The following HECW2 variants were observed in gnomAD, a reference collection of about 807,000 sequenced individuals.
The protein encoded by HECW2 is E3 ubiquitin-protein ligase HECW2.
HECW2 carries 61 observed loss-of-function variants against 175.2 expected under a neutral mutation model. That is an observed-to-expected ratio of 0.35 (90% CI 0.28 to 0.43). HECW2 has a LOEUF of 0.43. Ranked by LOEUF, HECW2 falls within the 20% of genes least tolerant of loss-of-function variation. The pLI is 1.00. For synonymous variants in HECW2, 671 were observed against 731.0 expected, an observed-to-expected ratio of 0.92 and a Z score of 1.32; for missense variants, 1,524 against 2,000.5, an observed-to-expected ratio of 0.76 and a Z score of 4.54.
chr2:196,591,154 A>G (rs1691175712), intron 1 of HECW2, among the ~76,000 whole-genome samples: 1 of 152,234 alleles, frequency 6.6e-6, no homozygotes, highest in Non-Finnish European at 1.5e-5. Flanking sequence ...CCATTCATAA[A>G]GATTCATTGC....
At chr2:196,225,741 C>T (rs956511595) in intron 23 of HECW2, 31 bp downstream of exon 23, 1 of 1,304,632 alleles carries the variant, frequency 7.7e-7, no homozygotes. Flanking sequence ...ATTTTACATG[C>T]TAATTATGCA....
intron 11 of HECW2, among the ~76,000 whole-genome samples, chr2:196,307,508 A>G (rs747545647): frequency 2.6e-5 from 4 of 151,702 alleles, no homozygotes; most frequent in Non-Finnish European, 5.9e-5. Flanking sequence ...ATATTGTTAA[A>G]GGAAAAAAAA....
At chr2:196,242,982 C>T (rs934608798) in intron 19 of HECW2, among the ~76,000 whole-genome samples, 2 of 151,178 alleles carry the variant, frequency 1.3e-5, no homozygotes, top group Admixed American at 6.6e-5. Flanking sequence ...TGTGAGCCAC[C>T]GCACCTGGCC....
At chr2:196,498,866 C>G (rs1006146973) in intron 1 of HECW2, among the ~76,000 whole-genome samples, 3 of 152,194 alleles carry the variant, frequency 2.0e-5, no homozygotes, top group Admixed American at 6.5e-5. Flanking sequence ...AAATCTAAAA[C>G]TAGTGTTTAA....
At chr2:196,539,341 CT>C (rs1689129252) in intron 1 of HECW2, among the ~76,000 whole-genome samples, 1 of 152,178 alleles carries the variant, frequency 6.6e-6, no homozygotes, top group Middle Eastern at 3.2e-3. Context: ...TAAACAAATA[CT>C]TTTACGTAGG....
chr2:196,244,241 T>C (rs1051260652), intron 19 of HECW2, among the ~76,000 whole-genome samples: 1 of 152,116 alleles, frequency 6.6e-6, no homozygotes, highest in African/African-American at 2.4e-5. Context: ...AATTAGAGAA[T>C]AATTAAGTCC....
At chr2:196,363,556 A>G (rs547030807) in intron 2 of HECW2, among the ~76,000 whole-genome samples, 4 of 152,326 alleles carry the variant, frequency 2.6e-5, no homozygotes, top group African/African-American at 9.6e-5. Flanking sequence ...CTAGGCCAGG[A>G]ACCATGGCTC....
Position 196,433,545 on chromosome 2 carries a change from G to A in HECW2, c.-35-87C>T, listed in dbSNP as rs1575537070. On this transcript the variant is annotated intron_variant, in intron 1 of 28. Coordinates refer to ENST00000644978, the MANE Select transcript of HECW2 (RefSeq NM_001348768.2). Reference sequence around the variant, plus strand: ...TTCCAGACATAAAGCCTTAAAGGGTGTTTAATAAGCCTGATCATGCAATAA... The same window carrying A: ...TTCCAGACATAAAGCCTTAAAGGGTATTTAATAAGCCTGATCATGCAATAA... 3.2e-6 allele frequency: 3 copies of A among 924,786 alleles called. No homozygotes were observed. The East Asian group carries it at 7.9e-5, about 24-fold the overall frequency. 57.3% of individuals were successfully genotyped at this position (924,786 alleles called of 1,614,324 possible). A position where few individuals can be genotyped will look rare whatever the true frequency, so the allele number is the denominator to read the frequency against.
intron 2 of HECW2, among the ~76,000 whole-genome samples, chr2:196,351,198 A>G (rs1693158011): frequency 6.6e-6 from 1 of 152,130 alleles, no homozygotes; most frequent in South Asian, 2.1e-4. Flanking sequence ...TTTAAAAAAA[A>G]TGACACACCA....
chr2:196,469,819 C>A (rs969001132), intron 1 of HECW2, among the ~76,000 whole-genome samples: 2 of 151,668 alleles, frequency 1.3e-5, no homozygotes, highest in Non-Finnish European at 2.9e-5. Context: ...AAAAATAAGG[C>A]TGTTACCTCT....
At chr2:196,249,177 G>A (rs968584547) in intron 19 of HECW2, among the ~76,000 whole-genome samples, 2 of 152,158 alleles carry the variant, frequency 1.3e-5, no homozygotes, top group African/African-American at 4.8e-5. Flanking sequence ...AGATAAATTA[G>A]GTGTTATTGC....
intron 16 of HECW2, among the ~76,000 whole-genome samples, chr2:196,272,873 G>C: frequency 7.0e-6 from 1 of 141,892 alleles, no homozygotes; most frequent in Non-Finnish European, 1.6e-5. Context: ...GCAGTATTTA[G>C]TGTCATATTA....
At position 196,318,590 on chromosome 2, in the gene HECW2, C is replaced by T. The variant is rs1691791790; in HGVS notation, c.2300G>A (p.Cys767Tyr). ...EGSAGEAQGT[C>Y]EGATAQEEGA... ...CTCCTCCTGGGCAGTTGCCCCTTCA[C>T]AGGTGCCTTGGGCCTCCCCAGCACT... Residue 767 changes from cysteine to tyrosine, a missense_variant, in exon 9 of 29, where the codon TGT (cysteine) becomes TAT (tyrosine). Physicochemically the swap from Cys to Tyr is radical, Grantham distance 194 (BLOSUM62 -2). Coordinates refer to ENST00000644978, the MANE Select transcript of HECW2 (RefSeq NM_001348768.2). 1 of 1,538,918 alleles carries T rather than the reference C, an allele frequency of 6.5e-7. No homozygotes were observed. The highest frequency in any genetic ancestry group is 8.7e-7 in the Non-Finnish European group (1 of 1,143,772).
intron 17 of HECW2, chr2:196,263,253 A>T (rs148335743): frequency 4.7e-4 from 71 of 152,342 alleles, no homozygotes; most frequent in African/African-American, 1.6e-3. Flanking sequence ...CAGTATGTGT[A>T]ACCACTTCCT....
chr2:196,297,717 T>C (rs556717716), intron 13 of HECW2, among the ~76,000 whole-genome samples: 1 of 152,374 alleles, frequency 6.6e-6, no homozygotes, highest in African/African-American at 2.4e-5. Flanking sequence ...GAAAAGCACG[T>C]CACCAAATCT....
At chr2:196,251,773 C>G (rs1042102533) in intron 19 of HECW2, among the ~76,000 whole-genome samples, 3 of 152,154 alleles carry the variant, frequency 2.0e-5, no homozygotes, top group African/African-American at 7.2e-5. Flanking sequence ...ATGCAATGGC[C>G]TCTCTGAGAA....
intron 1 of HECW2, among the ~76,000 whole-genome samples, chr2:196,535,035 A>G (rs1366392603): frequency 6.7e-6 from 1 of 149,156 alleles, no homozygotes; most frequent in African/African-American, 2.6e-5. Flanking sequence ...GGAAGAAAAC[A>G]AATTGTCAAT....
At chr2:196,460,009 T>C (rs1414260524) in intron 1 of HECW2, among the ~76,000 whole-genome samples, 1 of 152,214 alleles carries the variant, frequency 6.6e-6, no homozygotes, top group East Asian at 1.9e-4. Context: ...AATCCCTGTC[T>C]TATTCTTCTC....
At position 196,318,894 on chromosome 2, in the gene HECW2, C is replaced by G; in HGVS notation, c.1996G>C (p.Ala666Pro). 1.3e-6 allele frequency: 2 copies of G among 1,562,722 alleles called. No homozygotes were observed. Among genetic ancestry groups the G allele is most frequent in the Non-Finnish European group, 1.7e-6 (2 of 1,153,894 alleles). The change falls in exon 9 of 29, where the codon GCA becomes CCA. Residue 666 changes from alanine (A) to proline (P), a missense_variant. By Grantham distance (27) the Ala-to-Pro change is conservative. This residue lies in a region of HECW2 where 604 missense variants were observed against 588.3 expected (regional missense o/e 1.03). Coordinates refer to ENST00000644978, the MANE Select transcript of HECW2 (RefSeq NM_001348768.2). ...VDTRCSSLESARFPETPAFSS... is the reference protein window; with the variant it reads ...VDTRCSSLESPRFPETPAFSS... Reference sequence around the variant, plus strand: ...AAGGCTGGGGTTTCAGGAAACCGTGCGCTCTCAAGAGAGGAGCACCGTGTG... The same window carrying G: ...AAGGCTGGGGTTTCAGGAAACCGTGGGCTCTCAAGAGAGGAGCACCGTGTG...
Sources: gnomAD v4.1 joint callset for allele counts (sites outside exome capture counted in the v4.1 genomes callset) on GRCh38, gnomAD v4.1.1 for gene constraint, gnomAD v4.1.1 regional missense constraint, MANE v1.5 for transcripts, NCBI Gene and HGNC (gene_info 2026-07-23, HGNC 2026-07-21) for gene names.